ZNF883: variants seen among roughly 807,000 people sequenced by gnomAD.
ZNF883 encodes the protein zinc finger protein 883.
At chr9:112,992,355 G>A (rs1166874232), downstream of ZNF883, among the ~76,000 whole-genome samples, 1 of 152,188 alleles carries the variant, frequency 6.6e-6, no homozygotes, top group African/African-American at 2.4e-5. Context: ...TAGTTTGGTT[G>A]TATGTAAAAT....
intron 2 of ZNF883, among the ~76,000 whole-genome samples, chr9:113,007,154 A>T (rs1393065974): frequency 2.0e-5 from 3 of 152,230 alleles, no homozygotes; most frequent in Non-Finnish European, 2.9e-5. Context: ...AGATCGTGCC[A>T]CTGCACTCTA....
At chr9:113,002,665 AT>A (rs1417258900), upstream of ZNF883, among the ~76,000 whole-genome samples, 1 of 152,130 alleles carries the variant, frequency 6.6e-6, no homozygotes, top group East Asian at 1.9e-4. Flanking sequence ...CTATTCAACT[AT>A]TTTCTTACAG....
Position 113,010,530 on chromosome 9 carries a change from G to A in ZNF883, n.165+611C>T, listed in dbSNP as rs548459203. Among the ~76,000 whole-genome samples the A allele has an allele frequency of 5.6e-4, 85 of 152,176 alleles. 3 individuals are homozygous for A. In the South Asian group the frequency reaches 0.016, roughly 29 times the overall value. ...CTATTGTTCATAACAATGTATTCTT[G>A]AAAATTGCTATGAGAGCAGTTTAAG... On this transcript the variant is annotated intron_variant and non_coding_transcript_variant, in intron 2 of 4. Coordinates refer to the ZNF883 transcript ENST00000638622.
exon 1 of ZNF883, chr9:112,997,719 A>G: frequency 6.2e-7 from 1 of 1,613,858 alleles, no homozygotes; most frequent in Non-Finnish European, 8.5e-7. Context: ...TTACACTGGT[A>G]GGATTTTTCC....
upstream of ZNF883, chr9:112,998,293 T>C (rs138556165): frequency 7.2e-5 from 104 of 1,444,108 alleles, no homozygotes; most frequent in East Asian, 2.4e-3. Flanking sequence ...TTTATTTATT[T>C]TTTCATTTTT....
intron 1 of ZNF883, among the ~76,000 whole-genome samples, chr9:112,989,623 G>A (rs770883358): frequency 1.3e-5 from 2 of 152,100 alleles, no homozygotes; most frequent in African/African-American, 4.8e-5. Flanking sequence ...GGTTCCATAT[G>A]AACATTAAAG....
chr9:112,994,503 A>C (rs1413463920), downstream of ZNF883, among the ~76,000 whole-genome samples: 4 of 152,146 alleles, frequency 2.6e-5, no homozygotes, highest in African/African-American at 9.7e-5. Flanking sequence ...CATTTTAAAA[A>C]TTCCATTTAT....
At chr9:112,999,282 A>C (rs1338820200), upstream of ZNF883, 1 of 152,204 alleles carries the variant, frequency 6.6e-6, no homozygotes, top group Non-Finnish European at 1.5e-5. Context: ...TATGTCTGGA[A>C]AACAGTTTCT....
At chr9:112,995,295 T>C (rs1301746806), downstream of ZNF883, among the ~76,000 whole-genome samples, 1 of 152,128 alleles carries the variant, frequency 6.6e-6, no homozygotes, top group Non-Finnish European at 1.5e-5. Context: ...AACTTACACC[T>C]TCAGTTTTCC....
At chr9:113,008,814 G>C (rs1392273202) in intron 2 of ZNF883, among the ~76,000 whole-genome samples, 1 of 151,932 alleles carries the variant, frequency 6.6e-6, no homozygotes, top group African/African-American at 2.4e-5. Flanking sequence ...TAACAGGAGG[G>C]AAGACAGGTT....
chr9:113,010,454 G>A (rs187493471), intron 2 of ZNF883, among the ~76,000 whole-genome samples: 261 of 152,250 alleles, frequency 1.7e-3, no homozygotes, highest in African/African-American at 4.9e-3. Flanking sequence ...ATTTACACAT[G>A]TATATTATTG....
downstream of ZNF883, among the ~76,000 whole-genome samples, chr9:112,992,917 T>C (rs1382618410): frequency 6.6e-6 from 1 of 152,266 alleles, no homozygotes; most frequent in Non-Finnish European, 1.5e-5. Flanking sequence ...TTCCGCTCCA[T>C]CAGGTCATTT....
intron 1 of ZNF883, among the ~76,000 whole-genome samples, chr9:112,988,633 C>T (rs901269241): frequency 3.9e-5 from 6 of 152,108 alleles, no homozygotes. Flanking sequence ...CATGTATCTT[C>T]ATAATAGAAT....
upstream of ZNF883, chr9:112,998,885 T>G (rs1447746390): frequency 1.3e-5 from 2 of 152,212 alleles, no homozygotes; most frequent in Non-Finnish European, 2.9e-5. Flanking sequence ...GTTAAATGTT[T>G]CCTCGAAGTT....
intron 1 of ZNF883, among the ~76,000 whole-genome samples, chr9:113,011,771 C>T (rs570329792): frequency 1.3e-5 from 2 of 152,276 alleles, no homozygotes; most frequent in South Asian, 4.1e-4. Context: ...CTACCTACCA[C>T]CAAGGTCTGG....
At chr9:113,010,853 G>A (rs1828527798) in intron 2 of ZNF883, among the ~76,000 whole-genome samples, 1 of 151,960 alleles carries the variant, frequency 6.6e-6, no homozygotes, top group Non-Finnish European at 1.5e-5. Context: ...GGGCGTGGTG[G>A]TGCACGCCTG....
chr9:112,988,195 G>T (rs1215943459), intron 1 of ZNF883, among the ~76,000 whole-genome samples: 1 of 152,092 alleles, frequency 6.6e-6, no homozygotes, highest in Non-Finnish European at 1.5e-5. Context: ...ATGCAGGTTT[G>T]TTACATAAGT....
intron 2 of ZNF883, among the ~76,000 whole-genome samples, chr9:113,007,348 A>G (rs1408204057): frequency 6.6e-6 from 1 of 152,238 alleles, no homozygotes; most frequent in East Asian, 1.9e-4. Flanking sequence ...CACTTCTGCT[A>G]GTATTGCTGA....
At chr9:112,996,073 G>A (rs751303873), downstream of ZNF883, among the ~76,000 whole-genome samples, 7 of 151,232 alleles carry the variant, frequency 4.6e-5, no homozygotes, top group African/African-American at 9.7e-5. Flanking sequence ...TAATAATCAC[G>A]TTTTTTTTCC....
Sources: allele counts gnomAD v4.1 joint callset (sites outside exome capture counted in the v4.1 genomes callset), GRCh38; gene constraint gnomAD v4.1.1; transcripts MANE v1.5; gene names NCBI Gene and HGNC (gene_info 2026-07-23, HGNC 2026-07-21).